The following NEO1 variants were observed in gnomAD, a reference collection of about 807,000 sequenced individuals.
The protein encoded by NEO1 is neogenin 1.
NEO1 carries 63 observed loss-of-function variants against 159.7 expected under a neutral mutation model. The ratio of observed to expected loss-of-function variants is 0.39; its 90% CI spans 0.32 to 0.49. The LOEUF (loss-of-function observed/expected upper bound fraction) is 0.49. Ranked by LOEUF, NEO1 falls within the 20% of genes least tolerant of loss-of-function variation. NEO1 has a pLI of 0.85. For missense variants in NEO1, 1,615 were observed against 1,831.0 expected (o/e 0.88, Z 2.15); for synonymous variants, 633 against 662.0 (o/e 0.96, Z 0.67).
rs146629223 is a variant in NEO1, at chr15:73,248,040, A to G, written c.1607-1020A>G. On this transcript the variant is annotated intron_variant, in intron 9 of 28. Coordinates refer to ENST00000261908, the MANE Select transcript of NEO1 (RefSeq NM_002499.4). ...TCCACCGCTAGCTAACTTTCCCATC[A>G]CTTGGGAAAGATTGTTAACTTCATA... Among the ~76,000 whole-genome samples the G allele has an allele frequency of 3.2e-4, 49 of 152,238 alleles. No homozygotes were observed. In the East Asian group the frequency reaches 7.5e-3, roughly 23 times the overall value.
At chr15:73,265,146 A>G (rs749519611) in intron 15 of NEO1, among the ~76,000 whole-genome samples, 2 of 152,188 alleles carry the variant, frequency 1.3e-5, no homozygotes, top group African/African-American at 2.4e-5. Context: ...GTAATGATGG[A>G]GCACAGAGAA....
At chr15:73,094,887 C>T (rs375650093) in intron 1 of NEO1, among the ~76,000 whole-genome samples, 8 of 152,136 alleles carry the variant, frequency 5.3e-5, no homozygotes, top group African/African-American at 1.9e-4. Context: ...GGGTCTGTTT[C>T]TCTGTTGCTA....
intron 7 of NEO1, among the ~76,000 whole-genome samples, chr15:73,219,501 C>T (rs2038101894): frequency 7.0e-6 from 1 of 142,750 alleles, no homozygotes; most frequent in South Asian, 2.4e-4. Context: ...TCTCGTTGAT[C>T]TGTCTAATGT....
chr15:73,096,631 G>T (rs1358709567), intron 1 of NEO1, among the ~76,000 whole-genome samples: 1 of 152,146 alleles, frequency 6.6e-6, no homozygotes, highest in Admixed American at 6.5e-5. Flanking sequence ...GCAGAAAATT[G>T]CACAGGAAAG....
At chr15:73,231,149 C>T (rs2038886166) in intron 7 of NEO1, among the ~76,000 whole-genome samples, 1 of 152,106 alleles carries the variant, frequency 6.6e-6, no homozygotes, top group African/African-American at 2.4e-5. Context: ...AACTATTAGA[C>T]AAAGTTAGGA....
chr15:73,155,040 T>C (rs1156688849), intron 5 of NEO1, among the ~76,000 whole-genome samples: 1 of 152,094 alleles, frequency 6.6e-6, no homozygotes, highest in Non-Finnish European at 1.5e-5. Flanking sequence ...ACTTGTGTTG[T>C]CATGGTGGTG....
intron 7 of NEO1, 139 bp from the exon 8 acceptor site, chr15:73,236,208 G>GT (rs779366990): frequency 2.4e-5 from 28 of 1,153,106 alleles, no homozygotes; most frequent in African/African-American, 4.7e-5. Flanking sequence ...TTTCTTTTTT[G>GT]TTTTTTGTTT....
chr15:73,155,149 GGAAA>G (rs2033686634), intron 5 of NEO1, among the ~76,000 whole-genome samples: 1 of 151,504 alleles, frequency 6.6e-6, no homozygotes, highest in Non-Finnish European at 1.5e-5. Context: ...ACTTTTTCTG[GGAAA>G]GAATTTCTCC....
chr15:73,209,433 C>CA (rs2037426533), intron 7 of NEO1, among the ~76,000 whole-genome samples: 1 of 152,116 alleles, frequency 6.6e-6, no homozygotes, highest in African/African-American at 2.4e-5. Context: ...GTAAATGCTT[C>CA]ATTTGAATGT....
At chr15:73,205,431 C>A (rs2037154880) in intron 7 of NEO1, among the ~76,000 whole-genome samples, 1 of 152,180 alleles carries the variant, frequency 6.6e-6, no homozygotes, top group Admixed American at 6.5e-5. Context: ...AGGTTCTGGG[C>A]ATGTTTCATG....
chr15:73,232,625 A>G (rs761361800), intron 7 of NEO1, among the ~76,000 whole-genome samples: 1 of 152,154 alleles, frequency 6.6e-6, no homozygotes. Flanking sequence ...CATGGCCTTC[A>G]GTCAACCTAG....
chr15:73,298,239 G>A (rs2042456791), intron 26 of NEO1, 109 bp from the exon 27 acceptor site: 14 of 1,310,782 alleles, frequency 1.1e-5, no homozygotes, highest in Non-Finnish European at 1.3e-5. Flanking sequence ...AGCACTGATC[G>A]CAAGTGCTAT....
intron 1 of NEO1, among the ~76,000 whole-genome samples, chr15:73,098,920 T>A (rs2070242465): frequency 6.6e-6 from 1 of 152,200 alleles, no homozygotes; most frequent in Non-Finnish European, 1.5e-5. Context: ...ACATTTGGAT[T>A]TTTGCCAATA....
intron 26 of NEO1, among the ~76,000 whole-genome samples, chr15:73,296,824 A>C (rs1257167724): frequency 6.6e-6 from 1 of 152,234 alleles, no homozygotes; most frequent in Non-Finnish European, 1.5e-5. Context: ...GCACATCCCC[A>C]GTGGAATGGC....
At chr15:73,056,437 C>T (rs2151211770) in intron 1 of NEO1, among the ~76,000 whole-genome samples, 1 of 152,346 alleles carries the variant, frequency 6.6e-6, no homozygotes, top group Non-Finnish European at 1.5e-5. Flanking sequence ...GTCTTTTCTG[C>T]TAGTCTCAAC....
At chr15:73,232,191 CT>C (rs1321041873) in intron 7 of NEO1, among the ~76,000 whole-genome samples, 5 of 152,206 alleles carry the variant, frequency 3.3e-5, no homozygotes, top group Non-Finnish European at 7.3e-5. Context: ...CTCCCACCCC[CT>C]AGCAGTTTTT....
rs181413723 is a variant in NEO1, at chr15:73,058,270, T to C, written c.130+5465T>C. Among the ~76,000 whole-genome samples the C allele has an allele frequency of 4.5e-4, 68 of 152,288 alleles. No individual in the cohort carries two copies. The East Asian group carries it at 8.9e-3, about 20-fold the overall frequency. On this transcript the variant is annotated intron_variant, in intron 1 of 28. Transcript: ENST00000261908. ...TGCTCTTTCACATGTATTTAATCTTTTATACAGTCCTGTGAGGAAGATGAC... is the reference window on the plus strand; with the variant it reads ...TGCTCTTTCACATGTATTTAATCTTCTATACAGTCCTGTGAGGAAGATGAC...
chr15:73,273,114 T>C (rs2041249690), intron 19 of NEO1, among the ~76,000 whole-genome samples: 1 of 151,878 alleles, frequency 6.6e-6, no homozygotes, highest in African/African-American at 2.4e-5. Flanking sequence ...ATTTTTTCCT[T>C]GTACTTTCAG....
At chr15:73,246,425 CTA>C (rs1294534241) in intron 9 of NEO1, among the ~76,000 whole-genome samples, 3 of 152,180 alleles carry the variant, frequency 2.0e-5, no homozygotes, top group Admixed American at 1.3e-4. Flanking sequence ...CAGGAATACT[CTA>C]TTAGGTTTCA....
Sources: allele counts gnomAD v4.1 joint callset (sites outside exome capture counted in the v4.1 genomes callset), GRCh38; gene constraint gnomAD v4.1.1; transcripts MANE v1.5; gene names NCBI Gene and HGNC (gene_info 2026-07-23, HGNC 2026-07-21).